The following THSD7A variants were observed in gnomAD, a reference collection of about 807,000 sequenced individuals.
THSD7A encodes thrombospondin type 1 domain containing 7A.
Under a neutral mutation model 231.3 loss-of-function variants are expected in THSD7A, and 96 were observed. The ratio of observed to expected loss-of-function variants is 0.41; its 90% CI spans 0.35 to 0.49. The LOEUF is 0.49. Ranked by LOEUF, THSD7A falls within the 20% of genes least tolerant of loss-of-function variation. The pLI is 0.05. For missense variants in THSD7A, 2,290 were observed against 2,070.2 expected (o/e 1.11, Z -2.06); for synonymous variants, 940 against 743.3 (o/e 1.26, Z -4.30).
In THSD7A at chr7:11,812,057, T is replaced by A. The variant is rs146494145; in HGVS notation, c.190+19700A>T. On this transcript the variant is annotated intron_variant, in intron 1 of 27. Coordinates refer to ENST00000423059, the MANE Select transcript of THSD7A (RefSeq NM_015204.3). ...CACTGAGCATAATGAGAGACATTTG[T>A]AGAGACAGTGAGAGAAATCTGAGAC... 3.3e-5 allele frequency among the ~76,000 whole-genome samples: 5 copies of A among 151,848 alleles called. No individual in the cohort carries two copies. In the East Asian group the frequency reaches 9.7e-4, roughly 29 times the overall value.
At chr7:11,572,878 CT>C (rs1434576271) in intron 4 of THSD7A, among the ~76,000 whole-genome samples, 1 of 151,978 alleles carries the variant, frequency 6.6e-6, no homozygotes, top group Non-Finnish European at 1.5e-5. Context: ...TTTTCTTCTC[CT>C]TTTTTCATGT....
chr7:11,829,232 C>G (rs1363307885), intron 1 of THSD7A, among the ~76,000 whole-genome samples: 1 of 152,010 alleles, frequency 6.6e-6, no homozygotes, highest in Non-Finnish European at 1.5e-5. Context: ...GACCCCTAAT[C>G]TGTGCATTGT....
intron 2 of THSD7A, among the ~76,000 whole-genome samples, chr7:11,610,466 A>G (rs1207068334): frequency 6.6e-6 from 1 of 152,136 alleles, no homozygotes. Flanking sequence ...AAACGAGAGA[A>G]GCAGCTTACA....
intron 6 of THSD7A, among the ~76,000 whole-genome samples, chr7:11,486,256 T>C (rs1256071952): frequency 8.6e-6 from 1 of 115,664 alleles, no homozygotes; most frequent in Non-Finnish European, 1.7e-5. Context: ...TGTTTTGGAT[T>C]GATACACTTT....
At chr7:11,756,151 T>A (rs1474148690) in intron 1 of THSD7A, among the ~76,000 whole-genome samples, 1 of 152,130 alleles carries the variant, frequency 6.6e-6, no homozygotes, top group Admixed American at 6.6e-5. Flanking sequence ...TTATACTTTC[T>A]CTTTCTGTCC....
intron 2 of THSD7A, among the ~76,000 whole-genome samples, chr7:11,594,420 T>G (rs748265160): frequency 3.5e-4 from 53 of 152,174 alleles, no homozygotes; most frequent in Middle Eastern, 3.4e-3. Flanking sequence ...ATTTCTGGAG[T>G]TGGCTGCTTA....
At chr7:11,544,147 T>C (rs1447942008) in intron 4 of THSD7A, among the ~76,000 whole-genome samples, 5 of 152,052 alleles carry the variant, frequency 3.3e-5, no homozygotes, top group African/African-American at 1.2e-4. Context: ...CTAGAGACCA[T>C]CCAGGCCAGC....
intron 1 of THSD7A, among the ~76,000 whole-genome samples, chr7:11,790,949 C>G (rs944608991): frequency 6.6e-6 from 1 of 151,788 alleles, no homozygotes; most frequent in African/African-American, 2.4e-5. Flanking sequence ...GAACAAAATC[C>G]GTTATAGAGA....
chr7:11,645,198 C>T (rs967708833), intron 1 of THSD7A, among the ~76,000 whole-genome samples: 17 of 151,824 alleles, frequency 1.1e-4, no homozygotes, highest in Non-Finnish European at 2.2e-4. Context: ...TGACTTTTAA[C>T]ATAATAATTT....
chr7:11,706,049 C>T (rs759577212), intron 1 of THSD7A, among the ~76,000 whole-genome samples: 17 of 151,028 alleles, frequency 1.1e-4, no homozygotes, highest in Admixed American at 3.3e-4. Flanking sequence ...AAGCCACATT[C>T]GTCTGGTTCT....
In THSD7A at chr7:11,780,747, T is replaced by C. The variant is rs899495235; in HGVS notation, c.190+51010A>G. On this transcript the variant is annotated intron_variant, in intron 1 of 27. Transcript: ENST00000423059. ...GTTTTAAGCCACTGAGTTTAGAGTA[T>C]GTTTTTTTAGACAGCAATGGATAAC... 4.6e-5 allele frequency among the ~76,000 whole-genome samples: 7 copies of C among 152,264 alleles called. No homozygotes were observed. The East Asian group carries it at 9.7e-4, about 21-fold the overall frequency.
intron 1 of THSD7A, among the ~76,000 whole-genome samples, chr7:11,741,963 A>C (rs745788753): frequency 1.3e-5 from 2 of 151,924 alleles, no homozygotes; most frequent in Non-Finnish European, 2.9e-5. Flanking sequence ...TATTATATAG[A>C]TGTGGGTACT....
At chr7:11,633,389 T>C (rs1781724579) in intron 2 of THSD7A, among the ~76,000 whole-genome samples, 1 of 152,142 alleles carries the variant, frequency 6.6e-6, no homozygotes, top group Non-Finnish European at 1.5e-5. Context: ...TAGTCTTTTG[T>C]TGGCAATAAT....
At chr7:11,533,310 T>G (rs984604353) in intron 6 of THSD7A, among the ~76,000 whole-genome samples, 24 of 152,060 alleles carry the variant, frequency 1.6e-4, no homozygotes, top group Admixed American at 1.3e-3. Flanking sequence ...AAAGATATTT[T>G]AGGGGAAAAT....
chr7:11,574,544 G>C (rs865872242), intron 4 of THSD7A, among the ~76,000 whole-genome samples: 8 of 149,858 alleles, frequency 5.3e-5, no homozygotes, highest in Non-Finnish European at 8.9e-5. Flanking sequence ...ACGCCATTCT[G>C]CCGCCTCAGC....
chr7:11,379,831 G>A, intron 24 of THSD7A, 119 bp from the exon 25 acceptor site: 2 of 1,083,028 alleles, frequency 1.8e-6, no homozygotes, highest in Non-Finnish European at 2.7e-6. Flanking sequence ...GAATTTTTCT[G>A]TCAGTGGTTG....
At chr7:11,700,134 A>G (rs2128144505) in intron 1 of THSD7A, among the ~76,000 whole-genome samples, 1 of 151,466 alleles carries the variant, frequency 6.6e-6, no homozygotes, top group African/African-American at 2.4e-5. Context: ...ACGACAAAGC[A>G]TACAACATGC....
intron 1 of THSD7A, among the ~76,000 whole-genome samples, chr7:11,695,144 C>T (rs998754080): frequency 6.6e-6 from 1 of 151,496 alleles, no homozygotes; most frequent in Non-Finnish European, 1.5e-5. Context: ...CTATATCTGA[C>T]TTTAAGTTTC....
chr7:11,470,480 C>T (rs868460761), intron 8 of THSD7A, among the ~76,000 whole-genome samples: 5 of 151,672 alleles, frequency 3.3e-5, no homozygotes, highest in Admixed American at 6.6e-5. Context: ...GGAGTATGTT[C>T]TTTACACAGT....
Sources: allele counts gnomAD v4.1 joint callset (sites outside exome capture counted in the v4.1 genomes callset), GRCh38; gene constraint gnomAD v4.1.1; transcripts MANE v1.5; gene names NCBI Gene and HGNC (gene_info 2026-07-23, HGNC 2026-07-21).